Variants in DCP2 observed in about 807,000 individuals in gnomAD.
DCP2 encodes decapping mRNA 2, also known as m7GpppN-mRNA hydrolase.
In DCP2, 30 loss-of-function variants were observed where a neutral mutation model predicts 56.1. That is an observed-to-expected ratio of 0.53 (90% CI 0.40 to 0.73). The LOEUF (loss-of-function observed/expected upper bound fraction) is 0.73. Ranked by LOEUF, DCP2 falls within the 30% of genes least tolerant of loss-of-function variation. The pLI is 0.00. For missense variants in DCP2, 533 were observed against 502.7 expected (o/e 1.06, Z -0.58); for synonymous variants, 197 against 163.3 (o/e 1.21, Z -1.57).
chr5:113,012,377 T>C (rs1749712128), intron 10 of DCP2, among the ~76,000 whole-genome samples: 1 of 152,226 alleles, frequency 6.6e-6, no homozygotes, highest in African/African-American at 2.4e-5. Flanking sequence ...CAGCATACTA[T>C]AACTTGGTAT....
At position 113,004,087 on chromosome 5, in the gene DCP2, A is replaced by G. The variant is rs1359617044; in HGVS notation, c.942+10A>G. The stretch of plus-strand genomic sequence containing the variant: ...CCTTTTAAAAGGAAAGGTGAGTGAT[A>G]CACAATTACAGTCTTTTCAGAAATT... On this transcript the variant is annotated intron_variant, in intron 8 of 10. Transcript: ENST00000389063. 5 of 1,609,404 alleles carry G rather than the reference A, an allele frequency of 3.1e-6. No individual in the cohort carries two copies. Among genetic ancestry groups the G allele is most frequent in the Non-Finnish European group, 3.4e-6 (4 of 1,178,800 alleles).
At position 113,001,025 on chromosome 5, in the gene DCP2, T is replaced by C. The variant is rs953852986; in HGVS notation, c.433-59T>C. 2.7e-6 allele frequency: 4 copies of C among 1,477,814 alleles called. No individual in the cohort carries two copies. The African/African-American group carries it at 4.2e-5, about 16-fold the overall frequency. The allele number at this position is 1,477,814 out of a possible 1,614,324, so 91.5% of individuals were successfully genotyped here. A position where few individuals can be genotyped will look rare whatever the true frequency, so the allele number is the denominator to read the frequency against. Reference sequence around the variant, plus strand: ...GAGTTTTTGTCTTGGGAATAAATTTTAATGAACTAGAGGCCTAAGAACTAA... The same window carrying C: ...GAGTTTTTGTCTTGGGAATAAATTTCAATGAACTAGAGGCCTAAGAACTAA... On this transcript the variant is annotated intron_variant, in intron 4 of 10. Transcript: ENST00000389063.
rs897553976 is a variant in DCP2 at position 113,020,003 on chromosome 5, A to G, written c.*6519A>G. 1 of 152,232 alleles carries G rather than the reference A, an allele frequency of 6.6e-6. No individual in the cohort carries two copies. The highest frequency in any genetic ancestry group is 1.5e-5 in the Non-Finnish European group (1 of 68,026). 9.4% of individuals were successfully genotyped at this position (152,232 alleles called of 1,614,324 possible). A position where few individuals can be genotyped will look rare whatever the true frequency, so the allele number is the denominator to read the frequency against. ...ATACTGTGCCTATTTCCAAAAGAAGACTTGATGTGGCTTTTTACATTATGC... is the reference window on the plus strand; with the variant it reads ...ATACTGTGCCTATTTCCAAAAGAAGGCTTGATGTGGCTTTTTACATTATGC... On this transcript the variant is annotated 3_prime_UTR_variant, in exon 11 of 11. Coordinates refer to ENST00000389063, the MANE Select transcript of DCP2 (RefSeq NM_152624.6).
In DCP2 at chr5:113,017,858, C is replaced by T. The variant is rs558831368; in HGVS notation, c.*4374C>T. On this transcript the variant is annotated 3_prime_UTR_variant, in exon 11 of 11. Coordinates refer to ENST00000389063, the MANE Select transcript of DCP2 (RefSeq NM_152624.6). ...TCTATATCTATACATATATATGTAT[C>T]GCCATTATCGAGTGTTTTCTAGCCC... is the stretch of plus-strand genomic sequence containing the variant. The T allele has an allele frequency of 5.8e-4, 88 of 152,108 alleles. No homozygotes were observed. The highest frequency in any genetic ancestry group is 2.0e-3 in the African/African-American group (84 of 41,482). 9.4% of individuals were successfully genotyped at this position (152,108 alleles called of 1,614,324 possible).
chr5:112,986,349 T>A (rs1420778040), intron 2 of DCP2, among the ~76,000 whole-genome samples: 1 of 152,016 alleles, frequency 6.6e-6, no homozygotes, highest in Non-Finnish European at 1.5e-5. Flanking sequence ...TTCTTTTTTT[T>A]TTTTAAGAGA....
rs1369162555 is a variant in DCP2 at position 113,018,190 on chromosome 5, A to C, written c.*4706A>C. The C allele has an allele frequency of 2.6e-5, 4 of 152,372 alleles. No homozygotes were observed. The East Asian group carries it at 7.7e-4, about 29-fold the overall frequency. 9.4% of individuals were successfully genotyped at this position (152,372 alleles called of 1,614,324 possible). ...CTATTGAAATAGTCTTAAAATAGGG[A>C]AAAGAGTGAAAGTTACTCTTATGCA... On this transcript the variant is annotated 3_prime_UTR_variant, in exon 11 of 11. Coordinates refer to ENST00000389063, the MANE Select transcript of DCP2 (RefSeq NM_152624.6).
rs552062202 is a variant in DCP2 at position 113,020,592 on chromosome 5, C to G, written c.*7108C>G. 1 of 152,006 alleles carries G rather than the reference C, an allele frequency of 6.6e-6. No individual in the cohort carries two copies. Among genetic ancestry groups the G allele is most frequent in the African/African-American group, 2.4e-5 (1 of 41,390 alleles). 9.4% of individuals were successfully genotyped at this position (152,006 alleles called of 1,614,324 possible). ...AACTGTTTTTTTCCCTCAGTGTTAA[C>G]GAAAGGATAAAGACTACCTGTATTG... On this transcript the variant is annotated 3_prime_UTR_variant, in exon 11 of 11. Coordinates refer to ENST00000389063, the MANE Select transcript of DCP2 (RefSeq NM_152624.6).
intron 2 of DCP2, among the ~76,000 whole-genome samples, chr5:112,987,747 T>C (rs186047098): frequency 1.3e-5 from 2 of 151,514 alleles, no homozygotes; most frequent in Non-Finnish European, 2.9e-5. Flanking sequence ...GTGCTGGGAT[T>C]ACAGGTATGA....
intron 2 of DCP2, among the ~76,000 whole-genome samples, chr5:112,987,573 C>T (rs1748353523): frequency 6.7e-6 from 1 of 149,378 alleles, no homozygotes; most frequent in African/African-American, 2.5e-5. Flanking sequence ...ATGCCTCAGC[C>T]TCCTGAGTAG....
intron 1 of DCP2, chr5:112,984,703 A>AAAAAATATATATATAT: frequency 1.1e-4 from 7 of 64,854 alleles, no homozygotes; most frequent in South Asian, 1.0e-3. Context: ...AAAAAAAAAA[A>AAAAAATATATATATAT]ATATATATAT....
chr5:112,984,697 A>ATATATATATATATATAT (rs1436502850), intron 1 of DCP2: 37 of 76,152 alleles, frequency 4.9e-4, no homozygotes, highest in African/African-American at 1.8e-3. Context: ...AAAAAAAAAA[A>ATATATATATATATATAT]AAAAAAATAT....
In DCP2 at chr5:113,007,943, A is replaced by G; in HGVS notation, c.948A>G (p.Gln316=). Residue 316 remains glutamine (Q), a synonymous_variant, in exon 9 of 11, where the codon CAA becomes CAG. Transcript: ENST00000389063. ...ATTTCTTTTTGGGAAAACAGAATCA[A>G]AGTATGAGGGGAAATGGCAGAAAAC... The part of the protein sequence containing the change: ...EMSDLLKGKN[Q]SMRGNGRKQY... 1 of 1,613,270 alleles carries G rather than the reference A, an allele frequency of 6.2e-7. No individual in the cohort carries two copies. The highest frequency in any genetic ancestry group is 8.5e-7 in the Non-Finnish European group (1 of 1,179,474).
chr5:113,001,624 A>G lies in DCP2; in HGVS notation c.756A>G (p.Gly252=), dbSNP rs143656592. ...RFGDSSDSDN[G]FSSTGSTPAK... ...GCGATTCCTCAGACAGTGACAATGGATTTTCCTCAACTGGTAGCACGCCGG... is the reference window on the plus strand; with the variant it reads ...GCGATTCCTCAGACAGTGACAATGGGTTTTCCTCAACTGGTAGCACGCCGG... The change falls in exon 7 of 11, where the codon GGA becomes GGG. Residue 252 remains glycine (G), a synonymous_variant. Coordinates refer to ENST00000389063, the MANE Select transcript of DCP2 (RefSeq NM_152624.6). 313 of 1,614,106 alleles carry G rather than the reference A, an allele frequency of 1.9e-4. 1 individual carries two copies. The African/African-American group carries it at 3.7e-3, about 19-fold the overall frequency.
chr5:112,988,495 A>T (rs909202095), intron 2 of DCP2, among the ~76,000 whole-genome samples: 4 of 15,110 alleles, frequency 2.6e-4, no homozygotes, highest in Non-Finnish European at 6.7e-4. Context: ...GTGTCTTAAT[A>T]AAAAAAAAAA....
rs1039175127 is a variant in DCP2, at chr5:113,013,692, C to T, written c.*208C>T. ...AACCTTTTATACAGATTTACCTTTT[C>T]AGTGTTCAGTACAAGTTTAAGTTGC... On this transcript the variant is annotated 3_prime_UTR_variant, in exon 11 of 11. Coordinates refer to ENST00000389063, the MANE Select transcript of DCP2 (RefSeq NM_152624.6). 8.0e-6 allele frequency: 4 copies of T among 500,878 alleles called. No individual in the cohort carries two copies. The East Asian group carries it at 9.8e-5, about 12-fold the overall frequency. 31.0% of individuals were successfully genotyped at this position (500,878 alleles called of 1,614,324 possible).
chr5:113,010,074 C>G (rs1161019855), intron 9 of DCP2, among the ~76,000 whole-genome samples: 1 of 150,544 alleles, frequency 6.6e-6, no homozygotes. Context: ...GCTCTGTCAC[C>G]CAGGCTGAAA....
At chr5:113,005,145 C>G (rs115958247) in intron 8 of DCP2, among the ~76,000 whole-genome samples, 436 of 5,576 alleles carry the variant, frequency 0.078, 3 homozygotes, top group African/African-American at 0.22. Flanking sequence ...AAAAAGTGTG[C>G]GTGTGGGTGT....
At chr5:113,005,285 C>G (rs1749372547) in intron 8 of DCP2, among the ~76,000 whole-genome samples, 1 of 151,994 alleles carries the variant, frequency 6.6e-6, no homozygotes, top group Admixed American at 6.6e-5. Flanking sequence ...GGGTTAATAT[C>G]CAGAATATGT....
intron 4 of DCP2, among the ~76,000 whole-genome samples, chr5:112,996,443 G>A (rs1041270021): frequency 6.6e-6 from 1 of 151,982 alleles, no homozygotes; most frequent in Non-Finnish European, 1.5e-5. Context: ...ATACATTTAA[G>A]TTCTACCATG....
Sources: allele counts gnomAD v4.1 joint callset (sites outside exome capture counted in the v4.1 genomes callset), GRCh38; gene constraint gnomAD v4.1.1; transcripts MANE v1.5; gene names NCBI Gene and HGNC (gene_info 2026-07-23, HGNC 2026-07-21).